ZBTB16: variants seen among roughly 807,000 people sequenced by gnomAD.
The protein encoded by ZBTB16 is zinc finger and BTB domain containing 16.
ZBTB16 carries 8 observed loss-of-function variants against 56.8 expected under a neutral mutation model. The observed-to-expected ratio is 0.14, with a 90% CI of 0.08 to 0.25. The LOEUF (loss-of-function observed/expected upper bound fraction) is 0.25. Ranked by LOEUF, ZBTB16 falls within the 10% of genes least tolerant of loss-of-function variation. The probability of loss-of-function intolerance (pLI) is 1.00; values close to 1 mark genes in which losing one functional copy is unlikely to be tolerated. For missense variants in ZBTB16, 625 were observed against 903.0 expected (o/e 0.69, Z 3.95); for synonymous variants, 363 against 368.5 (o/e 0.98, Z 0.17).
chr11:114,139,547 C>A (rs1261943979), intron 2 of ZBTB16, among the ~76,000 whole-genome samples: 1 of 151,598 alleles, frequency 6.6e-6, no homozygotes, highest in Non-Finnish European at 1.5e-5. Context: ...AAGAGGTTTC[C>A]TTCTCCCCCC....
chr11:114,226,108 T>A (rs78323858), intron 4 of ZBTB16, among the ~76,000 whole-genome samples: 1 of 152,154 alleles, frequency 6.6e-6, no homozygotes, highest in Non-Finnish European at 1.5e-5. Context: ...TATTTTCTTA[T>A]CATTGTGTAG....
chr11:114,235,639 T>C (rs1944553622), intron 4 of ZBTB16, among the ~76,000 whole-genome samples: 2 of 21,254 alleles, frequency 9.4e-5, no homozygotes, highest in Non-Finnish European at 2.9e-4. Context: ...CCTTTCTTTC[T>C]TTCTTTCTTT....
At chr11:114,118,941 T>C (rs985418320) in intron 2 of ZBTB16, among the ~76,000 whole-genome samples, 1 of 151,932 alleles carries the variant, frequency 6.6e-6, no homozygotes, top group African/African-American at 2.4e-5. Context: ...GGAGTTCAGG[T>C]TGACATTTCA....
In ZBTB16 at chr11:114,064,414, G is replaced by A. The variant is rs755393648; in HGVS notation, c.1114G>A (p.Gly372Arg). 9.3e-6 allele frequency: 15 copies of A among 1,613,956 alleles called. No individual in the cohort carries two copies. Among genetic ancestry groups the A allele is most frequent in the South Asian group, 6.6e-5 (6 of 91,082 alleles). ...LAVSMDFSTYGGLLPQGFIQR... is the reference protein window; with the variant it reads ...LAVSMDFSTYRGLLPQGFIQR... ...TGTCTCCATGGACTTCAGCACCTAT[G>A]GGGGGCTGCTGCCCCAGGGCTTCAT... The change falls in exon 2 of 7, where the codon GGG becomes AGG. Residue 372 changes from glycine (G) to arginine (R), a missense_variant. Gly to Arg is a moderately radical substitution (Grantham distance 125, BLOSUM62 -2). Coordinates refer to ENST00000335953, the MANE Select transcript of ZBTB16 (RefSeq NM_006006.6). This position sits in a 1 kb window ranked among gnomAD's most constrained non-coding sequence, Gnocchi z 4.2.
chr11:114,096,676 C>T (rs1401272873), intron 2 of ZBTB16, among the ~76,000 whole-genome samples: 7 of 152,184 alleles, frequency 4.6e-5, no homozygotes, highest in African/African-American at 1.4e-4. Flanking sequence ...TGGGGTTGAA[C>T]TAAAACTGCT....
chr11:114,185,993 G>A (rs952979624), intron 3 of ZBTB16, among the ~76,000 whole-genome samples: 4 of 152,196 alleles, frequency 2.6e-5, no homozygotes, highest in African/African-American at 9.7e-5. Context: ...CTGTGCACAA[G>A]ACGACACAGT....
At chr11:114,095,245 C>CTTTTCTTTTTTTTTTTT (rs1555132749) in intron 2 of ZBTB16, among the ~76,000 whole-genome samples, 1 of 90,456 alleles carries the variant, frequency 1.1e-5, no homozygotes, top group African/African-American at 6.2e-5. Flanking sequence ...CTTTTCTTTT[C>CTTTTCTTTTTTTTTTTT]TTTTTTTTTT....
At chr11:114,114,346 A>G (rs1941108080) in intron 2 of ZBTB16, among the ~76,000 whole-genome samples, 3 of 152,250 alleles carry the variant, frequency 2.0e-5, no homozygotes. Flanking sequence ...ACCGGGCTTC[A>G]GTGTATATGA....
intron 3 of ZBTB16, among the ~76,000 whole-genome samples, chr11:114,168,935 C>T (rs1942873769): frequency 6.6e-6 from 1 of 152,198 alleles, no homozygotes; most frequent in Non-Finnish European, 1.5e-5. Context: ...TGAGTTGTGG[C>T]TATGACTTCT....
At chr11:114,177,856 A>G (rs886296649) in intron 3 of ZBTB16, among the ~76,000 whole-genome samples, 1 of 152,242 alleles carries the variant, frequency 6.6e-6, no homozygotes, top group Non-Finnish European at 1.5e-5. Context: ...CTGGGGTTAC[A>G]GGCACAAGCT....
chr11:114,075,121 T>G (rs527242185), intron 2 of ZBTB16, among the ~76,000 whole-genome samples: 1 of 152,210 alleles, frequency 6.6e-6, no homozygotes, highest in Non-Finnish European at 1.5e-5. Flanking sequence ...CTTTTTTCTT[T>G]TTCTTGCATT....
chr11:114,217,186 C>A (rs1565691422), intron 4 of ZBTB16, among the ~76,000 whole-genome samples: 1 of 152,204 alleles, frequency 6.6e-6, no homozygotes, highest in Non-Finnish European at 1.5e-5. Flanking sequence ...TAGGCAAGCC[C>A]AGGCCACAGA....
At chr11:114,214,183 A>G (rs1418905586) in intron 4 of ZBTB16, among the ~76,000 whole-genome samples, 1 of 152,178 alleles carries the variant, frequency 6.6e-6, no homozygotes, top group Non-Finnish European at 1.5e-5. Flanking sequence ...TAGTAAGGGG[A>G]CAGTGCCTTA....
chr11:114,112,699 T>G (rs1941050745), intron 2 of ZBTB16, among the ~76,000 whole-genome samples: 1 of 152,122 alleles, frequency 6.6e-6, no homozygotes, highest in Non-Finnish European at 1.5e-5. Context: ...TACCCAGTCT[T>G]TAAGACCTAG....
chr11:114,154,501 C>T (rs539819017), intron 2 of ZBTB16, among the ~76,000 whole-genome samples: 9 of 152,290 alleles, frequency 5.9e-5, no homozygotes, highest in East Asian at 5.8e-4. Flanking sequence ...ACTCCACCAT[C>T]GTGTGTGTTT....
chr11:114,102,730 A>G (rs1374392289), intron 2 of ZBTB16, among the ~76,000 whole-genome samples: 1 of 152,138 alleles, frequency 6.6e-6, no homozygotes, highest in Non-Finnish European at 1.5e-5. Context: ...CAGTCATTTA[A>G]TTATTTATTG....
At chr11:114,246,650 C>T (rs1420648590) in intron 5 of ZBTB16, 2 of 160,778 alleles carry the variant, frequency 1.2e-5, no homozygotes, top group East Asian at 3.4e-4. Context: ...ATCATATGAG[C>T]TGGGCTTTGA....
At chr11:114,119,390 G>A (rs1464191560) in intron 2 of ZBTB16, among the ~76,000 whole-genome samples, 1 of 150,950 alleles carries the variant, frequency 6.6e-6, no homozygotes, top group Admixed American at 6.6e-5. Context: ...GTGTGCACAT[G>A]TGTGTACAGG....
At chr11:114,241,053 C>T (rs952297423) in intron 4 of ZBTB16, among the ~76,000 whole-genome samples, 7 of 152,262 alleles carry the variant, frequency 4.6e-5, no homozygotes, top group East Asian at 1.9e-4. Context: ...TTCCATCTTC[C>T]GGATTCCGCC....
Sources: allele counts gnomAD v4.1 joint callset (sites outside exome capture counted in the v4.1 genomes callset), GRCh38; gene constraint gnomAD v4.1.1; non-coding constraint Gnocchi (gnomAD v3.1); transcripts MANE v1.5; gene names NCBI Gene and HGNC (gene_info 2026-07-23, HGNC 2026-07-21).